Variants in AVL9 observed in about 807,000 individuals in gnomAD.
The protein encoded by AVL9 is AVL9 cell migration associated.
AVL9 carries 49 observed loss-of-function variants against 79.2 expected under a neutral mutation model. That is an observed-to-expected ratio of 0.62 (90% CI 0.49 to 0.79). The LOEUF (loss-of-function observed/expected upper bound fraction) is 0.79, where lower values mean the gene tolerates loss of function less well. AVL9 is among the 30% of genes least tolerant of loss of function. The pLI, the probability that AVL9 is intolerant of heterozygous loss-of-function variation, is 0.00. For missense variants in AVL9, 682 were observed against 776.8 expected, an observed-to-expected ratio of 0.88 and a Z score of 1.45; for synonymous variants, 299 against 280.6, an observed-to-expected ratio of 1.07 and a Z score of -0.65.
chr7:32,541,022 C>T (rs1024813250), intron 1 of AVL9, among the ~76,000 whole-genome samples: 13 of 150,834 alleles, frequency 8.6e-5, no homozygotes. Context: ...CTGCCTCAGC[C>T]TCCCAAGTAG....
At position 32,570,131 on chromosome 7, in the gene AVL9, C is replaced by T. The variant is rs750664845; in HGVS notation, c.1327C>T (p.His443Tyr). Residue 443 changes from histidine (H) to tyrosine (Y), a missense_variant, in exon 11 of 16, where the codon CAC (histidine) becomes TAC (tyrosine). Transcript: ENST00000318709. ...ATNILFRQQKHLSDAIVEVEE... is the reference protein window; with the variant it reads ...ATNILFRQQKYLSDAIVEVEE... ...TAACATCCTTTTTCGACAACAGAAA[C>T]ACCTCAGTGATGCCATTGTGGAAGT... The T allele has an allele frequency of 6.2e-7, 1 of 1,614,166 alleles. No homozygotes were observed. The highest frequency in any genetic ancestry group is 8.5e-7 in the Non-Finnish European group (1 of 1,180,022).
chr7:32,573,271 A>C lies in AVL9; in HGVS notation c.1423A>C (p.Arg475=). 1 of 1,613,908 alleles carries C rather than the reference A, an allele frequency of 6.2e-7. No individual in the cohort carries two copies. The highest frequency in any genetic ancestry group is 8.5e-7 in the Non-Finnish European group (1 of 1,179,972). ...GCTTAACCCAACCACTGCAGACCTAAGGTTCGCAGACTACCTAGTGAGGCA... is the reference window on the plus strand; with the variant it reads ...GCTTAACCCAACCACTGCAGACCTACGGTTCGCAGACTACCTAGTGAGGCA... The part of the protein sequence containing the change: ...KLLNPTTADL[R]FADYLVRHVT... Residue 475 remains arginine (R), a synonymous_variant, in exon 12 of 16, where the codon AGG becomes CGG. Transcript: ENST00000318709.
intron 1 of AVL9, among the ~76,000 whole-genome samples, chr7:32,503,367 T>TACACACACACACAC (rs1278670017): frequency 0.012 from 1,068 of 88,206 alleles, 13 homozygotes; most frequent in Middle Eastern, 0.026. Context: ...GAGAGATATA[T>TACACACACACACAC]ATATATACAC....
Position 32,576,028 on chromosome 7 carries a change from G to T in AVL9, c.1644G>T (p.Val548=). 1 of 1,614,108 alleles carries T rather than the reference G, an allele frequency of 6.2e-7. No individual in the cohort carries two copies. Among genetic ancestry groups the T allele is most frequent in the South Asian group, 1.1e-5 (1 of 91,076 alleles). ...GGAAGAATACTCACAACTACAGGGT[G>T]TGGAACAGCAACAAGCATCCAGCAC... is the stretch of plus-strand genomic sequence containing the variant. The part of the protein sequence containing the change: ...TAWKNTHNYR[V]WNSNKHPALA... The change falls in exon 13 of 16, where the codon GTG becomes GTT. Residue 548 remains valine (V), a synonymous_variant. Transcript: ENST00000318709.
At chr7:32,510,342 T>C (rs1787608064) in intron 1 of AVL9, among the ~76,000 whole-genome samples, 1 of 151,770 alleles carries the variant, frequency 6.6e-6, no homozygotes, top group Non-Finnish European at 1.5e-5. Flanking sequence ...GTCCTGGCAA[T>C]TCTGAACTGC....
chr7:32,533,407 C>G (rs1159494241), intron 1 of AVL9: 1 of 152,178 alleles, frequency 6.6e-6, no homozygotes, highest in African/African-American at 2.4e-5. Context: ...ACATCTAATG[C>G]AGTCATGAAA....
intron 3 of AVL9, among the ~76,000 whole-genome samples, chr7:32,545,882 G>A (rs1033864149): frequency 2.0e-5 from 3 of 152,040 alleles, no homozygotes; most frequent in Non-Finnish European, 2.9e-5. Flanking sequence ...GCTGCACATT[G>A]CAATCACCTG....
intron 4 of AVL9, among the ~76,000 whole-genome samples, chr7:32,550,502 A>G (rs1789763418): frequency 6.6e-6 from 1 of 152,210 alleles, no homozygotes; most frequent in African/African-American, 2.4e-5. Context: ...AAATGATTTT[A>G]TACTTTGATG....
At position 32,501,624 on chromosome 7, in the gene AVL9, G is replaced by A. The variant is rs139606862; in HGVS notation, c.93+5822G>A. Among the ~76,000 whole-genome samples the A allele has an allele frequency of 2.2e-3, 329 of 152,340 alleles. 3 individuals carry two copies. Among genetic ancestry groups the A allele is most frequent in the African/African-American group, 7.6e-3 (315 of 41,570 alleles). ...TCAGGCTTTGGCATTGTGGCTAAGC[G>A]GAGTGGGTGTCAACTTGTGTACTAG... On this transcript the variant is annotated intron_variant, in intron 1 of 15. Coordinates refer to ENST00000318709, the MANE Select transcript of AVL9 (RefSeq NM_015060.3).
chr7:32,581,518 A>G (rs1160179049), intron 15 of AVL9: 1 of 152,278 alleles, frequency 6.6e-6, no homozygotes, highest in Non-Finnish European at 1.5e-5. Flanking sequence ...AAAAGAAAAT[A>G]TGAATAGCCC....
chr7:32,558,164 A>C (rs1223187263), intron 8 of AVL9, among the ~76,000 whole-genome samples: 2 of 129,978 alleles, frequency 1.5e-5, no homozygotes, highest in Non-Finnish European at 3.3e-5. Flanking sequence ...AGCAGCTGTT[A>C]TTCTTCTTTT....
chr7:32,559,099 A>G lies in AVL9; in HGVS notation c.850A>G (p.Asn284Asp), dbSNP rs1227643139. Residue 284 changes from asparagine (N) to aspartate (D), a missense_variant, in exon 10 of 16, where the codon AAC becomes GAC. Transcript: ENST00000318709. ...LGTIRKVMAG[N>D]HGEDAAMKTE... ...AACTATCAGGAAAGTCATGGCAGGA[A>G]ACCATGGAGAAGATGCTGCCATGAA... 1 of 1,614,102 alleles carries G rather than the reference A, an allele frequency of 6.2e-7. No homozygotes were observed.
At chr7:32,549,320 G>C (rs1423464247) in intron 4 of AVL9, among the ~76,000 whole-genome samples, 1 of 151,276 alleles carries the variant, frequency 6.6e-6, no homozygotes, top group Non-Finnish European at 1.5e-5. Context: ...TGCCTCCTAG[G>C]CTCAAGCAAT....
intron 2 of AVL9, 92 bp from the exon 3 acceptor site, chr7:32,544,602 G>T: frequency 1.2e-6 from 1 of 806,242 alleles, no homozygotes; most frequent in South Asian, 1.7e-5. Context: ...TCATTTTTGT[G>T]TTAATGACTG....
At chr7:32,581,949 C>A (rs1008837860) in intron 15 of AVL9, among the ~76,000 whole-genome samples, 2 of 152,164 alleles carry the variant, frequency 1.3e-5, no homozygotes, top group Admixed American at 6.6e-5. Context: ...TACACAAAAT[C>A]TTTAAATAAG....
chr7:32,568,852 A>G (rs1045026660), intron 10 of AVL9, among the ~76,000 whole-genome samples: 1 of 152,226 alleles, frequency 6.6e-6, no homozygotes, highest in African/African-American at 2.4e-5. Flanking sequence ...GAGAAGCTCT[A>G]TACTGAGCAT....
At chr7:32,577,767 C>T (rs1056106791) in intron 13 of AVL9, among the ~76,000 whole-genome samples, 1 of 152,158 alleles carries the variant, frequency 6.6e-6, no homozygotes, top group South Asian at 2.1e-4. Flanking sequence ...CTTAGAAGAA[C>T]ATGTGAAGAA....
intron 1 of AVL9, among the ~76,000 whole-genome samples, chr7:32,542,100 C>T (rs1031381321): frequency 1.3e-5 from 2 of 151,380 alleles, no homozygotes; most frequent in Non-Finnish European, 2.9e-5. Flanking sequence ...AAACGGAAAA[C>T]GTTGATTGCT....
At chr7:32,544,536 G>A (rs766433186) in intron 2 of AVL9, among the ~76,000 whole-genome samples, 158 bp from the exon 3 acceptor site, 1 of 152,130 alleles carries the variant, frequency 6.6e-6, no homozygotes, top group Non-Finnish European at 1.5e-5. Flanking sequence ...AAAATTCTAG[G>A]AAACCATTGG....
Sources: gnomAD v4.1 joint callset for allele counts (sites outside exome capture counted in the v4.1 genomes callset) on GRCh38, gnomAD v4.1.1 for gene constraint, MANE v1.5 for transcripts, NCBI Gene and HGNC (gene_info 2026-07-23, HGNC 2026-07-21) for gene names.